Variants in SYNJ2 observed in about 807,000 individuals in gnomAD.
SYNJ2 encodes polyphosphatidylinositol phosphatase SYNJ2.
A neutral mutation model predicts 141.3 loss-of-function variants in SYNJ2; 116 were observed. The ratio of observed to expected loss-of-function variants is 0.82; its 90% confidence interval spans 0.71 to 0.96. The LOEUF (loss-of-function observed/expected upper bound fraction) is 0.96, where lower values mean the gene tolerates loss of function less well. Among genes scored for constraint, SYNJ2 ranks in the 40% least tolerant of loss-of-function variants. The pLI is 0.00. For missense variants in SYNJ2, 1,873 were observed against 1,934.8 expected, an observed-to-expected ratio of 0.97 and a Z score of 0.60; for synonymous variants, 745 against 777.7, an observed-to-expected ratio of 0.96 and a Z score of 0.70.
intron 1 of SYNJ2, among the ~76,000 whole-genome samples, chr6:157,986,961 A>G (rs865863354): frequency 2.0e-5 from 3 of 151,332 alleles, no homozygotes; most frequent in South Asian, 4.2e-4. Context: ...TAGAAGTTCA[A>G]TTTTTTTATT....
At chr6:158,077,793 G>C (rs1782408752) in intron 17 of SYNJ2, 1 of 156,420 alleles carries the variant, frequency 6.4e-6, no homozygotes, top group South Asian at 2.0e-4. Flanking sequence ...CGCTCTGAGA[G>C]GTGGGGCCTA....
At chr6:158,042,008 C>T (rs936430708) in intron 4 of SYNJ2, among the ~76,000 whole-genome samples, 4 of 152,268 alleles carry the variant, frequency 2.6e-5, no homozygotes, top group Admixed American at 6.5e-5. Flanking sequence ...AGTCACTGCG[C>T]CCAGCCTGGA....
Position 158,084,307 on chromosome 6 carries a change from G to A in SYNJ2, c.3208+133G>A, listed in dbSNP as rs1040674967. On this transcript the variant is annotated intron_variant, in intron 22 of 26. Coordinates refer to ENST00000355585, the MANE Select transcript of SYNJ2 (RefSeq NM_003898.4). This position sits in a 1 kb window ranked among gnomAD's most constrained non-coding sequence, Gnocchi z 5.0. ...TCCCAGGAGAGACCTCAACCAGGCA[G>A]GCCAAGCGAGGGGTAGGGACTGAGC... is the stretch of plus-strand genomic sequence containing the variant. The A allele has an allele frequency of 1.0e-6, 1 of 982,220 alleles. No individual in the cohort carries two copies. Among genetic ancestry groups the A allele is most frequent in the African/African-American group, 1.6e-5 (1 of 61,488 alleles). The allele number at this position is 982,220 out of a possible 1,614,324, so 60.8% of individuals were successfully genotyped here.
chr6:158,074,847 G>T, intron 16 of SYNJ2, 109 bp downstream of exon 16: 1 of 1,309,710 alleles, frequency 7.6e-7, no homozygotes, highest in Non-Finnish European at 1.0e-6. Flanking sequence ...GGATTTCACT[G>T]TTTCCAACAT....
intron 2 of SYNJ2, among the ~76,000 whole-genome samples, chr6:158,019,736 T>G (rs1440202942): frequency 6.6e-6 from 1 of 151,820 alleles, no homozygotes; most frequent in African/African-American, 2.4e-5. Context: ...CCCCCCGGAG[T>G]GGGTTGGAGT....
chr6:158,018,315 T>C (rs1488673118), intron 2 of SYNJ2, among the ~76,000 whole-genome samples: 1 of 152,154 alleles, frequency 6.6e-6, no homozygotes, highest in East Asian at 1.9e-4. Flanking sequence ...CCCCTTGCCA[T>C]CTGTGACCTG....
chr6:157,990,487 AG>A (rs1490802202), intron 1 of SYNJ2, among the ~76,000 whole-genome samples: 1 of 152,068 alleles, frequency 6.6e-6, no homozygotes, highest in Non-Finnish European at 1.5e-5. Context: ...GCATGTCCCC[AG>A]GGGCCTTTGA....
rs1778125024 is a variant in SYNJ2 at position 158,007,689 on chromosome 6, C to T, written c.128-9515C>T. ...CGGAGTTTCGCTCTTGTCACGCAGGCTGGAGTGCAGTGGCGTGACCATGGC... is the reference window on the plus strand; with the variant it reads ...CGGAGTTTCGCTCTTGTCACGCAGGTTGGAGTGCAGTGGCGTGACCATGGC... On this transcript the variant is annotated intron_variant, in intron 1 of 26. Coordinates refer to ENST00000355585, the MANE Select transcript of SYNJ2 (RefSeq NM_003898.4). Among the ~76,000 whole-genome samples, 4 of 152,308 alleles carry T rather than the reference C, an allele frequency of 2.6e-5. No homozygotes were observed. In the South Asian group the frequency reaches 8.3e-4, roughly 32 times the overall value.
In SYNJ2 at chr6:158,043,114, G is replaced by A. The variant is rs554599784; in HGVS notation, c.712-202G>A. ...CAGCAGACCCCCTCCTCAGAGGCTG[G>A]TCGACAGCCAGCATGCCCGCCCAGT... On this transcript the variant is annotated intron_variant, in intron 4 of 26. Coordinates refer to ENST00000355585, the MANE Select transcript of SYNJ2 (RefSeq NM_003898.4). This position sits in a 1 kb window ranked among gnomAD's most constrained non-coding sequence, Gnocchi z 4.0. Among the ~76,000 whole-genome samples, 16 of 152,266 alleles carry A rather than the reference G, an allele frequency of 1.1e-4. No individual in the cohort carries two copies. The highest frequency in any genetic ancestry group is 3.6e-4 in the African/African-American group (15 of 41,558).
chr6:157,992,407 T>A (rs9365679), intron 1 of SYNJ2, among the ~76,000 whole-genome samples: 2 of 87,238 alleles, frequency 2.3e-5, no homozygotes, highest in South Asian at 6.8e-4. Context: ...GTTTCTTTTT[T>A]TTTTTTTTTT....
chr6:157,997,628 G>A (rs897485579), intron 1 of SYNJ2, among the ~76,000 whole-genome samples: 4 of 152,050 alleles, frequency 2.6e-5, no homozygotes, highest in Admixed American at 1.3e-4. Context: ...CAAGCCCCCC[G>A]TTCTGTGGTT....
chr6:158,083,125 G>C (rs995499812), intron 20 of SYNJ2, among the ~76,000 whole-genome samples: 4 of 152,104 alleles, frequency 2.6e-5, no homozygotes, highest in African/African-American at 9.7e-5. Context: ...TACAGATCGG[G>C]TTTCACCGTG....
At position 158,043,582 on chromosome 6, in the gene SYNJ2, G is replaced by C. The variant is rs867108671; in HGVS notation, c.795+183G>C. Among the ~76,000 whole-genome samples the C allele has an allele frequency of 6.6e-6, 1 of 152,206 alleles. No individual in the cohort carries two copies. The highest frequency in any genetic ancestry group is 2.4e-5 in the African/African-American group (1 of 41,438). On this transcript the variant is annotated intron_variant, in intron 5 of 26. Transcript: ENST00000355585. This position sits in a 1 kb window ranked among gnomAD's most constrained non-coding sequence, Gnocchi z 4.0. ...TGCACACGTGTGTGCATATGCATGC[G>C]TGCGTGTGTGTAGAAAACACAGACA... is the stretch of plus-strand genomic sequence containing the variant.
At chr6:157,984,003 CTTTCT>C (rs891763116) in intron 1 of SYNJ2, among the ~76,000 whole-genome samples, 6 of 151,078 alleles carry the variant, frequency 4.0e-5, no homozygotes, top group African/African-American at 9.7e-5. Flanking sequence ...AATTTTTTCT[CTTTCT>C]TTTCTTTTCT....
At chr6:157,993,043 G>GCATATAGTA (rs1234602701) in intron 1 of SYNJ2, among the ~76,000 whole-genome samples, 1 of 152,032 alleles carries the variant, frequency 6.6e-6, no homozygotes. Context: ...GTGGTTGTAC[G>GCATATAGTA]CATATAGTAC....
intron 1 of SYNJ2, among the ~76,000 whole-genome samples, chr6:157,994,324 T>G (rs971275369): frequency 6.6e-6 from 1 of 152,228 alleles, no homozygotes; most frequent in African/African-American, 2.4e-5. Context: ...GATGAGTGAT[T>G]AGAAGGCTGT....
At chr6:158,042,517 C>T (rs749240671) in intron 4 of SYNJ2, among the ~76,000 whole-genome samples, 4 of 152,252 alleles carry the variant, frequency 2.6e-5, no homozygotes, top group Non-Finnish European at 4.4e-5. Flanking sequence ...GATAAAGGCC[C>T]CGCATCTGAT....
At position 158,070,393 on chromosome 6, in the gene SYNJ2, T is replaced by A; in HGVS notation, c.1940+720T>A. The A allele has an allele frequency of 1.0e-6, 1 of 985,476 alleles. No individual in the cohort carries two copies. The highest frequency in any genetic ancestry group is 1.2e-6 in the Non-Finnish European group (1 of 829,982). 61.0% of individuals were successfully genotyped at this position (985,476 alleles called of 1,614,324 possible). ...GTACACCCCTGCAGCACCTGGAGACTAAGACTATGCTGCCCATAATCCTCT... is the reference window on the plus strand; with the variant it reads ...GTACACCCCTGCAGCACCTGGAGACAAAGACTATGCTGCCCATAATCCTCT... On this transcript the variant is annotated intron_variant, in intron 14 of 26. Coordinates refer to ENST00000355585, the MANE Select transcript of SYNJ2 (RefSeq NM_003898.4). This position sits in a 1 kb window ranked among gnomAD's most constrained non-coding sequence, Gnocchi z 4.0.
intron 1 of SYNJ2, among the ~76,000 whole-genome samples, chr6:157,994,554 C>T (rs1274929407): frequency 6.6e-6 from 1 of 152,184 alleles, no homozygotes; most frequent in Non-Finnish European, 1.5e-5. Context: ...GACCACCTGG[C>T]GGTGGGTGGC....
Sources: allele counts gnomAD v4.1 joint callset (sites outside exome capture counted in the v4.1 genomes callset), GRCh38; gene constraint gnomAD v4.1.1; non-coding constraint Gnocchi (gnomAD v3.1); transcripts MANE v1.5; gene names NCBI Gene and HGNC (gene_info 2026-07-23, HGNC 2026-07-21).